Variants in TRIM2 observed in about 807,000 individuals in gnomAD.
TRIM2 encodes the protein tripartite motif containing 2.
TRIM2 carries 20 observed loss-of-function variants against 75.2 expected under a neutral mutation model. The ratio of observed to expected loss-of-function variants is 0.27; its 90% CI spans 0.19 to 0.39. The LOEUF is 0.39. TRIM2 is among the 10% of genes least tolerant of loss of function. The pLI, the probability that TRIM2 is intolerant of heterozygous loss-of-function variation, is 1.00. For synonymous variants in TRIM2, 373 were observed against 388.3 expected, an observed-to-expected ratio of 0.96 and a Z score of 0.46; for missense variants, 660 against 990.8, an observed-to-expected ratio of 0.67 and a Z score of 4.48.
At chr4:153,153,425 T>G (rs1728911942) in intron 1 of TRIM2, among the ~76,000 whole-genome samples, 1 of 151,528 alleles carries the variant, frequency 6.6e-6, no homozygotes, top group Non-Finnish European at 1.5e-5. Context: ...ACGCCTCGTC[T>G]GGAGGTGGTG....
At chr4:153,283,208 A>G (rs1759760860) in intron 3 of TRIM2, among the ~76,000 whole-genome samples, 1 of 152,218 alleles carries the variant, frequency 6.6e-6, no homozygotes, top group African/African-American at 2.4e-5. Flanking sequence ...CCCTTTAAGC[A>G]GTCACCTCCT....
chr4:153,240,367 A>G lies in TRIM2; in HGVS notation c.31-29968A>G, dbSNP rs369087860. 2.6e-5 allele frequency among the ~76,000 whole-genome samples: 4 copies of G among 152,286 alleles called. No homozygotes were observed. In the East Asian group the frequency reaches 5.8e-4, roughly 22 times the overall value. Reference sequence around the variant, plus strand: ...TATTTGGTAGTGTTTTCTTTTCAATATTGTTTTCAGACTCCCAGTTGGAAG... The same window carrying G: ...TATTTGGTAGTGTTTTCTTTTCAATGTTGTTTTCAGACTCCCAGTTGGAAG... On this transcript the variant is annotated intron_variant, in intron 1 of 11. Transcript: ENST00000338700.
Position 153,337,056 on chromosome 4 carries a change from GC to G in TRIM2, c.*2095del. 2 of 984,838 alleles carry G rather than the reference GC, an allele frequency of 2.0e-6. No homozygotes were observed. The highest frequency in any genetic ancestry group is 9.4e-5 in the South Asian group (2 of 21,260). The allele number at this position is 984,838 out of a possible 1,614,324, so 61.0% of individuals were successfully genotyped here. On this transcript the variant is annotated 3_prime_UTR_variant, in exon 12 of 12. Transcript: ENST00000338700. ...TGGACAAAACAGGTAAAAAATCGCT[GC>G]CCCCTCAGAGCTGACATTCTGGGGT...
intron 1 of TRIM2, among the ~76,000 whole-genome samples, chr4:153,267,520 C>T (rs971405367): frequency 2.0e-5 from 3 of 152,058 alleles, no homozygotes; most frequent in Non-Finnish European, 4.4e-5. Context: ...GGCGTGGTGG[C>T]GGGCCCCTGT....
chr4:153,292,124 A>G (rs1200658641), intron 3 of TRIM2, among the ~76,000 whole-genome samples: 2 of 152,230 alleles, frequency 1.3e-5, no homozygotes, highest in Non-Finnish European at 2.9e-5. Flanking sequence ...TCATAATCAT[A>G]TGAAGACATT....
chr4:153,228,857 T>C (rs1465164739), intron 1 of TRIM2, among the ~76,000 whole-genome samples: 1 of 152,216 alleles, frequency 6.6e-6, no homozygotes, highest in Non-Finnish European at 1.5e-5. Context: ...AAGTAGCAAT[T>C]AGCCTTTGAG....
At chr4:153,309,677 AC>A (rs1271509525) in intron 6 of TRIM2, 2 of 146,492 alleles carry the variant, frequency 1.4e-5, no homozygotes, top group Admixed American at 7.0e-5. Context: ...AGGCTGAAGT[AC>A]AGTGGCATGA....
chr4:153,243,816 T>C (rs902729118), intron 1 of TRIM2, among the ~76,000 whole-genome samples: 21 of 123,210 alleles, frequency 1.7e-4, no homozygotes, highest in African/African-American at 5.1e-4. Context: ...CCTTTTTTTT[T>C]TTCCCCCCCC....
chr4:153,245,707 T>A (rs2149888789), intron 1 of TRIM2, among the ~76,000 whole-genome samples: 1 of 152,368 alleles, frequency 6.6e-6, no homozygotes, highest in Non-Finnish European at 1.5e-5. Context: ...AGACAGGGTC[T>A]GTCTTTGTTG....
chr4:153,328,710 T>G (rs1262618749), intron 11 of TRIM2, 40 bp downstream of exon 11: 7 of 1,517,570 alleles, frequency 4.6e-6, no homozygotes, highest in Non-Finnish European at 6.2e-6. Flanking sequence ...GAGTGTTTGG[T>G]ATTTGTTAAA....
At chr4:153,267,729 TTTTC>T (rs1359855773) in intron 1 of TRIM2, among the ~76,000 whole-genome samples, 1 of 151,582 alleles carries the variant, frequency 6.6e-6, no homozygotes, top group Non-Finnish European at 1.5e-5. Flanking sequence ...ATTAAACCTC[TTTTC>T]TTTCCTTCCT....
intron 1 of TRIM2, among the ~76,000 whole-genome samples, chr4:153,234,607 C>G (rs985704414): frequency 6.6e-6 from 1 of 152,150 alleles, no homozygotes; most frequent in African/African-American, 2.4e-5. Context: ...ACTGAATGTC[C>G]TTGTGGCTTA....
At chr4:153,318,746 T>A (rs1318951734) in intron 8 of TRIM2, among the ~76,000 whole-genome samples, 2 of 152,030 alleles carry the variant, frequency 1.3e-5, no homozygotes, top group African/African-American at 4.8e-5. Flanking sequence ...GAGACAGGAG[T>A]TTTATGTCTA....
chr4:153,266,110 T>C lies in TRIM2; in HGVS notation c.31-4225T>C, dbSNP rs904366920. ...CCGTTTAACTATGCAGTGAGTTCTG[T>C]CTGAATGTGACACTCTTGTATAGCA... is the stretch of plus-strand genomic sequence containing the variant. On this transcript the variant is annotated intron_variant, in intron 1 of 11. Transcript: ENST00000338700. 4.6e-5 allele frequency among the ~76,000 whole-genome samples: 7 copies of C among 152,148 alleles called. No individual in the cohort carries two copies. The East Asian group carries it at 9.6e-4, about 21-fold the overall frequency.
At chr4:153,157,290 A>T (rs1450155787) in intron 1 of TRIM2, 1 of 152,240 alleles carries the variant, frequency 6.6e-6, no homozygotes, top group African/African-American at 2.4e-5. Flanking sequence ...AAGGTCACAA[A>T]AAAAGAAAAA....
At chr4:153,242,294 G>T (rs1746836105) in intron 1 of TRIM2, among the ~76,000 whole-genome samples, 1 of 151,464 alleles carries the variant, frequency 6.6e-6, no homozygotes, top group African/African-American at 2.4e-5. Flanking sequence ...TTGGTACTTA[G>T]CCTTGGTCTA....
rs1011525823 is a variant in TRIM2 at position 153,339,172 on chromosome 4, A to C, written c.*4206A>C. ...AAAGTGTTTGTATGTTCGTAGCTAC[A>C]TACGTACCACAGTATTTTGGATGCT... On this transcript the variant is annotated 3_prime_UTR_variant, in exon 12 of 12. Transcript: ENST00000338700. 2 of 985,768 alleles carry C rather than the reference A, an allele frequency of 2.0e-6. No homozygotes were observed. Among genetic ancestry groups the C allele is most frequent in the Admixed American group, 6.1e-5 (1 of 16,266 alleles). The allele number at this position is 985,768 out of a possible 1,614,324, so 61.1% of individuals were successfully genotyped here.
intron 1 of TRIM2, among the ~76,000 whole-genome samples, chr4:153,192,741 C>T (rs946279712): frequency 1.2e-4 from 19 of 152,126 alleles, no homozygotes; most frequent in African/African-American, 4.3e-4. Context: ...ATCCAGGAGT[C>T]CCCGGGCCTT....
intron 1 of TRIM2, among the ~76,000 whole-genome samples, chr4:153,216,765 G>A (rs534558214): frequency 3.3e-5 from 5 of 152,270 alleles, no homozygotes; most frequent in East Asian, 3.9e-4. Context: ...TGCCGTGAGC[G>A]TCTTTACATT....
Sources: gnomAD v4.1 joint callset for allele counts (sites outside exome capture counted in the v4.1 genomes callset) on GRCh38, gnomAD v4.1.1 for gene constraint, MANE v1.5 for transcripts, NCBI Gene and HGNC (gene_info 2026-07-23, HGNC 2026-07-21) for gene names.